The following SLC9A8 variants were observed in gnomAD, a reference collection of about 807,000 sequenced individuals.
SLC9A8 encodes the protein sodium/hydrogen exchanger 8.
SLC9A8 carries 48 observed loss-of-function variants against 66.6 expected under a neutral mutation model. The observed-to-expected ratio is 0.72, with a 90% CI of 0.57 to 0.92. The LOEUF (loss-of-function observed/expected upper bound fraction) is 0.92, where lower values mean the gene tolerates loss of function less well. Among genes scored for constraint, SLC9A8 ranks in the 40% least tolerant of loss-of-function variants. The pLI, the probability that SLC9A8 is intolerant of heterozygous loss-of-function variation, is 0.00. For synonymous variants in SLC9A8, 274 were observed against 282.6 expected, an observed-to-expected ratio of 0.97 and a Z score of 0.31; for missense variants, 599 against 747.3, an observed-to-expected ratio of 0.80 and a Z score of 2.31.
At chr20:49,817,899 A>G (rs2086612273) in intron 2 of SLC9A8, among the ~76,000 whole-genome samples, 1 of 152,236 alleles carries the variant, frequency 6.6e-6, no homozygotes, top group South Asian at 2.1e-4. Context: ...AAGACAAAGA[A>G]GAAAAGCATT....
At chr20:49,862,003 T>C (rs1433776831) in intron 8 of SLC9A8, among the ~76,000 whole-genome samples, 1 of 152,102 alleles carries the variant, frequency 6.6e-6, no homozygotes, top group East Asian at 1.9e-4. Flanking sequence ...GCCTTCAAGC[T>C]GAAATACCAG....
chr20:49,838,406 G>A (rs1157226735), intron 3 of SLC9A8, among the ~76,000 whole-genome samples: 3 of 152,344 alleles, frequency 2.0e-5, no homozygotes, highest in Non-Finnish European at 2.9e-5. Flanking sequence ...GCAAGGGAAT[G>A]TGTATTCATT....
rs529679113 is a variant in SLC9A8 at position 49,867,902 on chromosome 20, G to A, written c.958+3058G>A. ...CTTTTCTACCCAGTCGCTATCCGGA[G>A]TCACACTTGGGTGCTGCATGAGCAG... On this transcript the variant is annotated intron_variant, in intron 10 of 15. Coordinates refer to ENST00000361573, the MANE Select transcript of SLC9A8 (RefSeq NM_015266.3). Among the ~76,000 whole-genome samples the A allele has an allele frequency of 5.3e-5, 8 of 152,336 alleles. No individual in the cohort carries two copies. The South Asian group carries it at 1.4e-3, about 28-fold the overall frequency.
intron 3 of SLC9A8, 150 bp downstream of exon 3, chr20:49,823,291 C>G (rs981109925): frequency 4.3e-6 from 3 of 704,632 alleles, no homozygotes; most frequent in Admixed American, 5.3e-5. Context: ...GTGCTATGAT[C>G]CCATTTTACA....
chr20:49,818,985 T>G (rs1456167435), intron 2 of SLC9A8, among the ~76,000 whole-genome samples: 2 of 152,246 alleles, frequency 1.3e-5, no homozygotes, highest in African/African-American at 4.8e-5. Flanking sequence ...GTAACTTTTG[T>G]GTCCTGTAAG....
Position 49,864,739 on chromosome 20 carries a change from G to T in SLC9A8, c.853G>T (p.Val285Leu). Residue 285 changes from valine (V) to leucine (L), a missense_variant and splice_region_variant, in exon 10 of 16, where the codon GTG (valine) becomes TTG (leucine). Around this residue, in one of 2 missense-constraint regions of SLC9A8, gnomAD observed 467 missense variants for 626.5 expected, o/e 0.75. Transcript: ENST00000361573. ...TCCTTCCTTGACAGTTGTCATTTACGTGCTGAAGCATATTGACTTGAGGAA... is the reference window on the plus strand; with the variant it reads ...TCCTTCCTTGACAGTTGTCATTTACTTGCTGAAGCATATTGACTTGAGGAA... ...GTLTGLISAL[V>L]LKHIDLRKTP... 1 of 1,612,266 alleles carries T rather than the reference G, an allele frequency of 6.2e-7. No homozygotes were observed. The highest frequency in any genetic ancestry group is 8.5e-7 in the Non-Finnish European group (1 of 1,178,348).
chr20:49,831,048 A>G (rs2087161986), intron 3 of SLC9A8: 2 of 722,868 alleles, frequency 2.8e-6, no homozygotes, highest in South Asian at 1.4e-5. Flanking sequence ...GACCAGTCCA[A>G]CAATATGTCC....
chr20:49,861,455 A>T (rs2088731795), intron 8 of SLC9A8, among the ~76,000 whole-genome samples: 2 of 152,102 alleles, frequency 1.3e-5, no homozygotes, highest in Admixed American at 6.5e-5. Context: ...AGGTGGGAGG[A>T]TCACATGAGC....
intron 3 of SLC9A8, among the ~76,000 whole-genome samples, chr20:49,828,769 A>T (rs2146497141): frequency 2.0e-5 from 3 of 151,714 alleles, no homozygotes; most frequent in Middle Eastern, 6.8e-3. Context: ...ACTCCGGTAG[A>T]CGGAGGTTGC....
chr20:49,841,564 G>GTA (rs56142537), intron 4 of SLC9A8, among the ~76,000 whole-genome samples: 7 of 150,802 alleles, frequency 4.6e-5, no homozygotes, highest in East Asian at 3.9e-4. Context: ...TTAATTATAT[G>GTA]TATATATATA....
chr20:49,844,743 G>A (rs979662354), intron 4 of SLC9A8, among the ~76,000 whole-genome samples: 2 of 151,546 alleles, frequency 1.3e-5, no homozygotes, highest in African/African-American at 4.8e-5. Flanking sequence ...GAGGCTACAG[G>A]GAGCTGTGAT....
At chr20:49,862,886 T>A in intron 8 of SLC9A8, 43 bp from the exon 9 acceptor site, 1 of 1,471,296 alleles carries the variant, frequency 6.8e-7, no homozygotes. Context: ...GAACTTTGTG[T>A]ATATAACATT....
At chr20:49,867,270 G>A (rs1027765295) in intron 10 of SLC9A8, among the ~76,000 whole-genome samples, 11 of 152,062 alleles carry the variant, frequency 7.2e-5, no homozygotes, top group Admixed American at 7.2e-4. Context: ...TTTTGTGTGT[G>A]TGTGTTATTT....
intron 3 of SLC9A8, chr20:49,830,612 T>A: frequency 1.6e-6 from 1 of 616,784 alleles, no homozygotes. Flanking sequence ...AGCTTTCTAA[T>A]CACAGAATGT....
chr20:49,881,241 A>T (rs1404198082), intron 13 of SLC9A8, among the ~76,000 whole-genome samples: 1 of 152,148 alleles, frequency 6.6e-6, no homozygotes. Flanking sequence ...AGGGCAAACA[A>T]CATGCCCAGG....
chr20:49,840,236 C>G (rs1374022252), intron 4 of SLC9A8, among the ~76,000 whole-genome samples: 1 of 152,022 alleles, frequency 6.6e-6, no homozygotes, highest in East Asian at 1.9e-4. Context: ...ATATATATAC[C>G]CTTGTGTTAA....
intron 5 of SLC9A8, among the ~76,000 whole-genome samples, chr20:49,845,951 C>T (rs2087970423): frequency 6.6e-6 from 1 of 152,206 alleles, no homozygotes; most frequent in Non-Finnish European, 1.5e-5. Flanking sequence ...TCTTCTGCCT[C>T]AGCCTCCTGA....
At chr20:49,870,498 G>C (rs144681880) in intron 10 of SLC9A8, among the ~76,000 whole-genome samples, 106 of 152,258 alleles carry the variant, frequency 7.0e-4, no homozygotes, top group Middle Eastern at 3.4e-3. Context: ...ATAGATGTGC[G>C]GGAGTGTGGC....
chr20:49,853,290 T>C (rs1025564489), intron 7 of SLC9A8, among the ~76,000 whole-genome samples: 4 of 152,228 alleles, frequency 2.6e-5, no homozygotes, highest in African/African-American at 9.6e-5. Flanking sequence ...ACTACAGGTA[T>C]GCGGCACCAC....
Sources: allele counts gnomAD v4.1 joint callset (sites outside exome capture counted in the v4.1 genomes callset), GRCh38; gene constraint gnomAD v4.1.1; regional missense constraint gnomAD v4.1.1; transcripts MANE v1.5; gene names NCBI Gene and HGNC (gene_info 2026-07-23, HGNC 2026-07-21).